NDUFB4: variants seen among roughly 807,000 people sequenced by gnomAD.
NDUFB4 encodes NADH dehydrogenase [ubiquinone] 1 beta subcomplex subunit 4.
Under a neutral mutation model 14.5 loss-of-function variants are expected in NDUFB4, and 10 were observed. That is an observed-to-expected ratio of 0.69 (90% CI 0.43 to 1.17). The LOEUF (loss-of-function observed/expected upper bound fraction) is 1.17. NDUFB4 is among the 50% of genes most tolerant of loss of function. The pLI is 0.00. For synonymous variants in NDUFB4, 65 were observed against 63.4 expected (o/e 1.03, Z -0.12); for missense variants, 165 against 161.1 (o/e 1.02, Z -0.13).
At chr3:120,599,181 C>G (rs1198291626) in intron 1 of NDUFB4, among the ~76,000 whole-genome samples, 1 of 152,086 alleles carries the variant, frequency 6.6e-6, no homozygotes, top group Non-Finnish European at 1.5e-5. Flanking sequence ...CTAAGAAACA[C>G]AGGAATGGGA....
At chr3:120,598,562 AAAAAT>A (rs1940006080) in intron 1 of NDUFB4, among the ~76,000 whole-genome samples, 1 of 152,162 alleles carries the variant, frequency 6.6e-6, no homozygotes, top group Non-Finnish European at 1.5e-5. Flanking sequence ...TGATGAGAAA[AAAAAT>A]AAAGCAGGGG....
In NDUFB4 at chr3:120,602,339, C is replaced by G; in HGVS notation, c.*69C>G. 7.1e-7 allele frequency: 1 copy of G among 1,414,716 alleles called. No individual in the cohort carries two copies. The highest frequency in any genetic ancestry group is 1.2e-5 in the South Asian group (1 of 81,416). The allele number at this position is 1,414,716 out of a possible 1,614,324, so 87.6% of individuals were successfully genotyped here. A position where few individuals can be genotyped will look rare whatever the true frequency, so the allele number is the denominator to read the frequency against. ...TCTATTAATCATTAAGTAGTAGTTT[C>G]TCTTTCTTAGTATTACCTTGATTCA... On this transcript the variant is annotated 3_prime_UTR_variant, in exon 3 of 3. Coordinates refer to ENST00000184266, the MANE Select transcript of NDUFB4 (RefSeq NM_004547.6).
chr3:120,601,901 G>T (rs1436623231), intron 2 of NDUFB4: 2 of 1,084,556 alleles, frequency 1.8e-6, no homozygotes, highest in Non-Finnish European at 1.1e-6. Context: ...TTTGCATTTT[G>T]CTTTCAATAT....
chr3:120,601,500 G>A (rs893032134), intron 2 of NDUFB4: 1 of 1,366,202 alleles, frequency 7.3e-7, no homozygotes, highest in Non-Finnish European at 9.4e-7. Flanking sequence ...ATGTTTATTG[G>A]GTTAAGTATT....
At chr3:120,598,326 T>C (rs1354073224) in intron 1 of NDUFB4, among the ~76,000 whole-genome samples, 3 of 152,122 alleles carry the variant, frequency 2.0e-5, no homozygotes, top group Non-Finnish European at 4.4e-5. Flanking sequence ...AGTGCTGGGA[T>C]TACAGACTTG....
chr3:120,599,666 C>T (rs1009718890), intron 1 of NDUFB4, among the ~76,000 whole-genome samples: 9 of 152,024 alleles, frequency 5.9e-5, no homozygotes, highest in Non-Finnish European at 1.0e-4. Context: ...ATAACATTAC[C>T]GGGCTTAATG....
In NDUFB4 at chr3:120,596,371, A is replaced by G. The variant is rs774893244; in HGVS notation, c.12A>G (p.Pro4=). The change falls in exon 1 of 3, where the codon CCA becomes CCG. Residue 4 remains proline, a synonymous_variant. Coordinates refer to ENST00000184266, the MANE Select transcript of NDUFB4 (RefSeq NM_004547.6). ...CCTGGTTCGCCAAGATGTCGTTCCC[A>G]AAGTATAAGCCGTCGAGCCTGCGCA... MSF[P]KYKPSSLRTL... is the part of the protein sequence containing the mutation. 16 of 1,614,028 alleles carry G rather than the reference A, an allele frequency of 9.9e-6. No individual in the cohort carries two copies. The East Asian group carries it at 2.5e-4, about 25-fold the overall frequency.
Position 120,602,384 on chromosome 3 carries a change from C to T in NDUFB4, c.*114C>T, listed in dbSNP as rs1451888122. The T allele has an allele frequency of 4.3e-5, 44 of 1,014,044 alleles. No individual in the cohort carries two copies. The highest frequency in any genetic ancestry group is 6.4e-5 in the Non-Finnish European group (44 of 690,546). 62.8% of individuals were successfully genotyped at this position (1,014,044 alleles called of 1,614,324 possible). A position where few individuals can be genotyped will look rare whatever the true frequency, so the allele number is the denominator to read the frequency against. The stretch of plus-strand genomic sequence containing the variant: ...GATTCAATGTTAAAAACTATTAACA[C>T]CCTAACAACACAGAAGCAGACGCAG... On this transcript the variant is annotated 3_prime_UTR_variant, in exon 3 of 3. Coordinates refer to ENST00000184266, the MANE Select transcript of NDUFB4 (RefSeq NM_004547.6).
intron 1 of NDUFB4, 77 bp downstream of exon 1, chr3:120,596,616 C>A: frequency 6.8e-7 from 1 of 1,468,978 alleles, no homozygotes; most frequent in Non-Finnish European, 9.3e-7. Context: ...AAAGGGTCGG[C>A]CACCGCTCCC....
chr3:120,601,767 G>T (rs1940068125), intron 2 of NDUFB4: 2 of 1,013,712 alleles, frequency 2.0e-6, no homozygotes, highest in South Asian at 8.3e-5. Flanking sequence ...GTTGCCACTG[G>T]AGCCCACTCG....
At chr3:120,601,471 T>C in intron 2 of NDUFB4, 1 of 1,401,724 alleles carries the variant, frequency 7.1e-7, no homozygotes, top group Admixed American at 3.5e-5. Flanking sequence ...TGTTAGTTCA[T>C]TTGTTTTTTA....
At chr3:120,600,855 G>A (rs72625416) in intron 1 of NDUFB4, 87,317 of 426,576 alleles carry the variant, frequency 0.2, 11,456 homozygotes, top group East Asian at 0.57. Context: ...TTAAGATTAG[G>A]ATTCTTAAAT....
At chr3:120,596,676 C>G in intron 1 of NDUFB4, 137 bp downstream of exon 1, 1 of 967,842 alleles carries the variant, frequency 1.0e-6, no homozygotes, top group South Asian at 1.6e-5. Context: ...CAACTCACTA[C>G]CCTTTTACCT....
At chr3:120,600,121 GTT>G (rs535359141) in intron 1 of NDUFB4, among the ~76,000 whole-genome samples, 1 of 117,958 alleles carries the variant, frequency 8.5e-6, no homozygotes, top group African/African-American at 3.0e-5. Context: ...TTTTTTTTTT[GTT>G]TTTTTTTTTT....
Position 120,596,435 on chromosome 3 carries a change from T to C in NDUFB4, c.76T>C (p.Ser26Pro). 1 of 1,614,004 alleles carries C rather than the reference T, an allele frequency of 6.2e-7. No individual in the cohort carries two copies. Among genetic ancestry groups the C allele is most frequent in the Non-Finnish European group, 8.5e-7 (1 of 1,180,000 alleles). ...ETLDPAEYNISPETRRAQAER... is the reference protein window; with the variant it reads ...ETLDPAEYNIPPETRRAQAER... Reference sequence around the variant, plus strand: ...CCTCGACCCAGCCGAATACAACATATCTCCGGAAACCCGGCGGGCGCAAGC... The same window carrying C: ...CCTCGACCCAGCCGAATACAACATACCTCCGGAAACCCGGCGGGCGCAAGC... The change falls in exon 1 of 3, where the codon TCT becomes CCT. Residue 26 changes from serine to proline, a missense_variant. By Grantham distance (74) the Ser-to-Pro change is moderately conservative. Transcript: ENST00000184266.
At chr3:120,600,704 T>G (rs1940043021) in intron 1 of NDUFB4, among the ~76,000 whole-genome samples, 1 of 152,224 alleles carries the variant, frequency 6.6e-6, no homozygotes, top group Non-Finnish European at 1.5e-5. Context: ...TGAAATCTGT[T>G]TCTCTTCATT....
intron 1 of NDUFB4, among the ~76,000 whole-genome samples, chr3:120,599,998 A>G (rs1402146878): frequency 6.7e-6 from 1 of 150,252 alleles, no homozygotes; most frequent in Admixed American, 6.7e-5. Context: ...TAATGTCAAT[A>G]GTTTCTAGAA....
intron 1 of NDUFB4, among the ~76,000 whole-genome samples, chr3:120,598,008 C>T (rs1341138846): frequency 6.6e-6 from 1 of 151,714 alleles, no homozygotes; most frequent in Non-Finnish European, 1.5e-5. Context: ...GAGTGTGTGA[C>T]ACTATCATTT....
Position 120,596,339 on chromosome 3 carries a change from A to T in NDUFB4, c.-21A>T, listed in dbSNP as rs563502144. ...AGGGCCTCAGAATCGCGCAGGCGCAATTGTGCCCTGGTTCGCCAAGATGTC... is the reference window on the plus strand; with the variant it reads ...AGGGCCTCAGAATCGCGCAGGCGCATTTGTGCCCTGGTTCGCCAAGATGTC... On this transcript the variant is annotated 5_prime_UTR_variant, in exon 1 of 3. Coordinates refer to ENST00000184266, the MANE Select transcript of NDUFB4 (RefSeq NM_004547.6). 2.0e-5 allele frequency: 32 copies of T among 1,613,440 alleles called. 1 individual carries two copies. In the African/African-American group the frequency reaches 2.1e-4, roughly 11 times the overall value.
Sources: allele counts gnomAD v4.1 joint callset (sites outside exome capture counted in the v4.1 genomes callset), GRCh38; gene constraint gnomAD v4.1.1; transcripts MANE v1.5; gene names NCBI Gene and HGNC (gene_info 2026-07-23, HGNC 2026-07-21).